Variants in ZMAT4 observed in about 807,000 individuals in gnomAD.
ZMAT4 encodes the protein zinc finger matrin-type protein 4.
ZMAT4 carries 17 observed loss-of-function variants against 28.7 expected under a neutral mutation model. That is an observed-to-expected ratio of 0.59 (90% CI 0.41 to 0.89). The LOEUF is 0.89. Among genes scored for constraint, ZMAT4 ranks in the 40% least tolerant of loss-of-function variants. The pLI is 0.00. For synonymous variants in ZMAT4, 117 were observed against 109.2 expected (o/e 1.07, Z -0.44); for missense variants, 240 against 283.8 (o/e 0.85, Z 1.11).
intron 2 of ZMAT4, among the ~76,000 whole-genome samples, chr8:40,780,212 C>T (rs1048775069): frequency 1.3e-5 from 2 of 152,146 alleles, no homozygotes; most frequent in African/African-American, 4.8e-5. Flanking sequence ...ACACACCTAA[C>T]CTACCCGACA....
chr8:40,798,507 T>C (rs9298604), intron 2 of ZMAT4, among the ~76,000 whole-genome samples: 84,889 of 151,734 alleles, frequency 0.56, 23,914 homozygotes, highest in East Asian at 0.66. Context: ...TACCTCTTAC[T>C]CCCTGACTGA....
chr8:40,748,441 A>G (rs1206666723), intron 3 of ZMAT4, among the ~76,000 whole-genome samples: 1 of 152,204 alleles, frequency 6.6e-6, no homozygotes, highest in Non-Finnish European at 1.5e-5. Flanking sequence ...ACCACCCATA[A>G]GCAGAAAGGA....
At chr8:40,806,508 C>T (rs1241020407) in intron 2 of ZMAT4, among the ~76,000 whole-genome samples, 2 of 152,098 alleles carry the variant, frequency 1.3e-5, no homozygotes, top group Admixed American at 6.5e-5. Context: ...GCTCTGTATA[C>T]GAAACAACCA....
intron 3 of ZMAT4, among the ~76,000 whole-genome samples, chr8:40,730,257 A>C (rs1811480706): frequency 6.6e-6 from 1 of 152,206 alleles, no homozygotes; most frequent in Non-Finnish European, 1.5e-5. Flanking sequence ...TCCTGCTTCA[A>C]TAATGCTGAA....
chr8:40,769,930 C>A (rs1813320197), intron 2 of ZMAT4, among the ~76,000 whole-genome samples: 1 of 152,062 alleles, frequency 6.6e-6, no homozygotes, highest in Non-Finnish European at 1.5e-5. Context: ...AAATAAATGC[C>A]AAGCTCTGAT....
intron 6 of ZMAT4, among the ~76,000 whole-genome samples, chr8:40,570,686 A>C (rs1804069094): frequency 6.6e-6 from 1 of 151,974 alleles, no homozygotes; most frequent in Admixed American, 6.6e-5. Flanking sequence ...GGCAACAGAG[A>C]GCAACCTTGT....
intron 5 of ZMAT4, among the ~76,000 whole-genome samples, chr8:40,605,994 T>C (rs953742624): frequency 6.6e-6 from 1 of 152,216 alleles, no homozygotes; most frequent in Admixed American, 6.5e-5. Flanking sequence ...AATAACTACT[T>C]CTGTCACTTT....
At chr8:40,697,478 A>G (rs927113093) in intron 3 of ZMAT4, 77 bp from the exon 4 acceptor site, 5 of 1,307,102 alleles carry the variant, frequency 3.8e-6, no homozygotes, top group East Asian at 2.7e-5. Context: ...ACCCAGACGA[A>G]CTAGTGTATT....
At chr8:40,688,181 G>A (rs553213028) in intron 4 of ZMAT4, among the ~76,000 whole-genome samples, 1 of 152,270 alleles carries the variant, frequency 6.6e-6, no homozygotes, top group South Asian at 2.1e-4. Flanking sequence ...AATAGGCCGG[G>A]GGGCGGTGGC....
At chr8:40,845,592 T>C (rs1816857395) in intron 1 of ZMAT4, among the ~76,000 whole-genome samples, 1 of 151,628 alleles carries the variant, frequency 6.6e-6, no homozygotes, top group African/African-American at 2.4e-5. Flanking sequence ...GTAATCTAAC[T>C]ACAGGCAAGA....
At chr8:40,786,319 G>A (rs1032980761) in intron 2 of ZMAT4, among the ~76,000 whole-genome samples, 9 of 152,206 alleles carry the variant, frequency 5.9e-5, no homozygotes, top group Middle Eastern at 3.4e-3. Flanking sequence ...ATTAATATTC[G>A]TAGGCTTTTT....
At chr8:40,619,404 G>C in intron 5 of ZMAT4, among the ~76,000 whole-genome samples, 1 of 152,180 alleles carries the variant, frequency 6.6e-6, no homozygotes, top group Middle Eastern at 3.2e-3. Flanking sequence ...CTCTATACAT[G>C]AGTAGGGCAC....
At chr8:40,858,883 G>A (rs925984076) in intron 1 of ZMAT4, among the ~76,000 whole-genome samples, 2 of 152,056 alleles carry the variant, frequency 1.3e-5, no homozygotes, top group Non-Finnish European at 2.9e-5. Context: ...GCCATTCCCT[G>A]GGAGACAAAA....
intron 6 of ZMAT4, among the ~76,000 whole-genome samples, chr8:40,545,643 A>G (rs917538873): frequency 6.6e-6 from 1 of 152,150 alleles, no homozygotes; most frequent in Non-Finnish European, 1.5e-5. Flanking sequence ...TTCTGCTGCC[A>G]CAAGCCAAAG....
At chr8:40,666,329 A>G (rs1808411590) in intron 5 of ZMAT4, among the ~76,000 whole-genome samples, 1 of 152,196 alleles carries the variant, frequency 6.6e-6, no homozygotes. Context: ...AAGTAGAGAC[A>G]GGTATCATCT....
intron 5 of ZMAT4, among the ~76,000 whole-genome samples, chr8:40,648,927 C>A (rs1444372374): frequency 2.8e-5 from 4 of 144,026 alleles, no homozygotes; most frequent in Non-Finnish European, 6.1e-5. Context: ...GAAGGAAGCG[C>A]TAAATATGGA....
chr8:40,641,425 A>AT (rs1409340516), intron 5 of ZMAT4, among the ~76,000 whole-genome samples: 2 of 152,202 alleles, frequency 1.3e-5, no homozygotes, highest in Non-Finnish European at 2.9e-5. Flanking sequence ...AAAAGCTCAG[A>AT]TTTTTTTGCA....
intron 3 of ZMAT4, among the ~76,000 whole-genome samples, chr8:40,709,605 A>G (rs1810513786): frequency 6.6e-6 from 1 of 152,260 alleles, no homozygotes; most frequent in African/African-American, 2.4e-5. Context: ...CAAAGCTGAC[A>G]TATAAGTATA....
rs548518467 is a variant in ZMAT4, at chr8:40,566,556, G to A, written c.674+14609C>T. ...GCATTTTTACTTTCAGGACTCTCAC[G>A]GGATGTGGAATACAGAAATGATGAC... On this transcript the variant is annotated intron_variant, in intron 6 of 6. Coordinates refer to ENST00000297737, the MANE Select transcript of ZMAT4 (RefSeq NM_024645.3). Among the ~76,000 whole-genome samples the A allele has an allele frequency of 3.3e-5, 5 of 152,156 alleles. No homozygotes were observed. In the South Asian group the frequency reaches 6.2e-4, roughly 19 times the overall value.
Sources: gnomAD v4.1 joint callset for allele counts (sites outside exome capture counted in the v4.1 genomes callset) on GRCh38, gnomAD v4.1.1 for gene constraint, MANE v1.5 for transcripts, NCBI Gene and HGNC (gene_info 2026-07-23, HGNC 2026-07-21) for gene names.